Variants in CRPPA observed in about 807,000 individuals in gnomAD.
CRPPA encodes the protein D-ribitol-5-phosphate cytidylyltransferase.
A neutral mutation model predicts 52.0 loss-of-function variants in CRPPA; 43 were observed. That is an observed-to-expected ratio of 0.83 (90% CI 0.65 to 1.07). CRPPA has a LOEUF of 1.07. CRPPA is among the 50% of genes least tolerant of loss of function. The pLI, the probability that CRPPA is intolerant of heterozygous loss-of-function variation, is 0.00. For missense variants in CRPPA, 629 were observed against 551.7 expected (o/e 1.14, Z -1.40); for synonymous variants, 250 against 203.5 (o/e 1.23, Z -1.94).
chr7:16,348,583 A>G (rs1446859270), intron 3 of CRPPA, among the ~76,000 whole-genome samples: 3 of 152,224 alleles, frequency 2.0e-5, no homozygotes, highest in Non-Finnish European at 2.9e-5. Context: ...AGTCTTAGAC[A>G]TGAAAATATA....
intron 9 of CRPPA, among the ~76,000 whole-genome samples, chr7:16,157,930 A>C (rs986855949): frequency 2.0e-5 from 3 of 151,570 alleles, no homozygotes; most frequent in Admixed American, 1.3e-4. Flanking sequence ...GCTGGAATAG[A>C]GCAGTGCAAT....
At chr7:16,224,939 G>A (rs917245155) in intron 8 of CRPPA, among the ~76,000 whole-genome samples, 1 of 152,042 alleles carries the variant, frequency 6.6e-6, no homozygotes, top group African/African-American at 2.4e-5. Context: ...TAATTCTGAT[G>A]AATAGAAACT....
intron 8 of CRPPA, among the ~76,000 whole-genome samples, chr7:16,219,475 A>C (rs1450042498): frequency 3.2e-4 from 34 of 105,160 alleles, no homozygotes; most frequent in Admixed American, 5.8e-4. Context: ...AGACACAAAA[A>C]ACCCTTCAAA....
At chr7:16,328,019 A>T (rs1785457987) in intron 3 of CRPPA, among the ~76,000 whole-genome samples, 1 of 152,166 alleles carries the variant, frequency 6.6e-6, no homozygotes, top group Non-Finnish European at 1.5e-5. Flanking sequence ...TGCAGATGAG[A>T]TTTCCTGTTT....
intron 8 of CRPPA, among the ~76,000 whole-genome samples, chr7:16,218,413 A>C (rs1182795688): frequency 1.6e-5 from 2 of 124,670 alleles, no homozygotes; most frequent in Non-Finnish European, 3.3e-5. Flanking sequence ...CTAACATCAT[A>C]ATGACAGGAT....
intron 9 of CRPPA, among the ~76,000 whole-genome samples, chr7:16,175,904 T>C (rs1182380184): frequency 4.6e-5 from 7 of 152,172 alleles, no homozygotes; most frequent in South Asian, 4.1e-4. Flanking sequence ...GTCTCTCCTA[T>C]TGATGACATT....
At chr7:16,196,024 G>A (rs1781725482) in intron 9 of CRPPA, among the ~76,000 whole-genome samples, 2 of 152,120 alleles carry the variant, frequency 1.3e-5, no homozygotes, top group Non-Finnish European at 2.9e-5. Flanking sequence ...TAAAGTGAAA[G>A]CTCACTAAAT....
In CRPPA at chr7:16,421,289, C is replaced by A; in HGVS notation, c.34G>T (p.Ala12Ser). ...EAGPPGSARP[A>S]EPGPCLSGQR... ...CCACTCAGGCAAGGACCCGGCTCCG[C>A]CGGCCTGGCGCTGCCCGGCGGCCCG... Residue 12 changes from alanine (A) to serine (S), a missense_variant, in exon 1 of 10, where the codon GCG becomes TCG. By Grantham distance (99) the Ala-to-Ser change is moderately conservative. Coordinates refer to ENST00000407010, the MANE Select transcript of CRPPA (RefSeq NM_001101426.4). 7.8e-7 allele frequency: 1 copy of A among 1,274,518 alleles called. No homozygotes were observed. The highest frequency in any genetic ancestry group is 1.0e-6 in the Non-Finnish European group (1 of 1,005,004). The allele number at this position is 1,274,518 out of a possible 1,614,324, so 79.0% of individuals were successfully genotyped here. A position where few individuals can be genotyped will look rare whatever the true frequency, so the allele number is the denominator to read the frequency against.
At chr7:16,373,907 C>G (rs1786813673) in intron 3 of CRPPA, among the ~76,000 whole-genome samples, 1 of 152,198 alleles carries the variant, frequency 6.6e-6, no homozygotes, top group South Asian at 2.1e-4. Flanking sequence ...TAACCTAAAA[C>G]TGCACACCTT....
chr7:16,226,743 A>C (rs1189895178), intron 8 of CRPPA, among the ~76,000 whole-genome samples: 9 of 151,962 alleles, frequency 5.9e-5, no homozygotes, highest in Admixed American at 5.9e-4. Flanking sequence ...TCTGAAGCAT[A>C]CATTAGTTAT....
intron 9 of CRPPA, among the ~76,000 whole-genome samples, chr7:16,099,622 A>G (rs1477940158): frequency 2.0e-5 from 3 of 152,138 alleles, no homozygotes; most frequent in Non-Finnish European, 2.9e-5. Flanking sequence ...GAAAGACACA[A>G]ACTACAGTGC....
chr7:16,377,640 T>C (rs901777833), intron 2 of CRPPA, among the ~76,000 whole-genome samples: 2 of 152,202 alleles, frequency 1.3e-5, no homozygotes, highest in Non-Finnish European at 2.9e-5. Flanking sequence ...GAAAATCTAC[T>C]ACATTTTGGT....
At chr7:16,352,324 T>C (rs139908451) in intron 3 of CRPPA, among the ~76,000 whole-genome samples, 2 of 151,910 alleles carry the variant, frequency 1.3e-5, no homozygotes, top group South Asian at 2.1e-4. Flanking sequence ...GGCGGGTTGA[T>C]AGGTGCAGCA....
At position 16,216,135 on chromosome 7, in the gene CRPPA, A is replaced by G; in HGVS notation, c.1182T>C (p.Ile394=). The G allele has an allele frequency of 6.3e-7, 1 of 1,597,186 alleles. No individual in the cohort carries two copies. Among genetic ancestry groups the G allele is most frequent in the East Asian group, 2.2e-5 (1 of 44,596 alleles). ...CTTTTACTTCCTTTGCAAATTCTCTAATCTGCATTAGGTTTTCCATTTTCT... is the reference window on the plus strand; with the variant it reads ...CTTTTACTTCCTTTGCAAATTCTCTGATCTGCATTAGGTTTTCCATTTTCT... ...PSQKMENLMQ[I]REFAKEVKER... is the part of the protein sequence containing the mutation. The change falls in exon 9 of 10, where the codon ATT becomes ATC. Residue 394 remains isoleucine, a synonymous_variant. Coordinates refer to ENST00000407010, the MANE Select transcript of CRPPA (RefSeq NM_001101426.4).
chr7:16,284,918 T>C (rs1214345972), intron 5 of CRPPA, among the ~76,000 whole-genome samples: 4 of 152,150 alleles, frequency 2.6e-5, no homozygotes, highest in East Asian at 1.9e-4. Flanking sequence ...GGAGCAGGGC[T>C]CCAATAAATT....
At chr7:16,142,583 T>A (rs966965826) in intron 9 of CRPPA, among the ~76,000 whole-genome samples, 6 of 152,226 alleles carry the variant, frequency 3.9e-5, no homozygotes, top group Non-Finnish European at 8.8e-5. Flanking sequence ...CTTCTTTAAG[T>A]AAAATCTGTG....
chr7:16,122,181 G>C (rs1421119806), intron 9 of CRPPA, among the ~76,000 whole-genome samples: 1 of 151,958 alleles, frequency 6.6e-6, no homozygotes, highest in African/African-American at 2.4e-5. Flanking sequence ...TATAGAACAC[G>C]CACAATCAAA....
intron 9 of CRPPA, among the ~76,000 whole-genome samples, chr7:16,156,762 T>C (rs1783188815): frequency 1.3e-5 from 2 of 152,222 alleles, no homozygotes; most frequent in South Asian, 2.1e-4. Context: ...AGAAACCTTT[T>C]TGGGGGTCCC....
In CRPPA at chr7:16,377,911, T is replaced by C. The variant is rs191419947; in HGVS notation, c.535-1670A>G. On this transcript the variant is annotated intron_variant, in intron 2 of 9. Coordinates refer to ENST00000407010, the MANE Select transcript of CRPPA (RefSeq NM_001101426.4). ...CATAGTTCCCACCCATGCCCCAGAA[T>C]ACTGGGGCCCTGATCACTCTTTTTC... is the stretch of plus-strand genomic sequence containing the variant. Among the ~76,000 whole-genome samples, 307 of 152,154 alleles carry C rather than the reference T, an allele frequency of 2.0e-3. 1 individual carries two copies. Among genetic ancestry groups the C allele is most frequent in the Non-Finnish European group, 3.2e-3 (220 of 67,978 alleles).
Sources: allele counts gnomAD v4.1 joint callset (sites outside exome capture counted in the v4.1 genomes callset), GRCh38; gene constraint gnomAD v4.1.1; transcripts MANE v1.5; gene names NCBI Gene and HGNC (gene_info 2026-07-23, HGNC 2026-07-21).